Variants in SLIT2 observed in about 807,000 individuals in gnomAD.
The protein encoded by SLIT2 is slit guidance ligand 2.
A neutral mutation model predicts 185.7 loss-of-function variants in SLIT2; 41 were observed. That is an observed-to-expected ratio of 0.22 (90% CI 0.17 to 0.29). SLIT2 has a LOEUF of 0.29. SLIT2 is among the 10% of genes least tolerant of loss of function. The pLI is 1.00. For missense variants in SLIT2, 1,571 were observed against 1,909.0 expected, an observed-to-expected ratio of 0.82 and a Z score of 3.30; for synonymous variants, 693 against 680.2, an observed-to-expected ratio of 1.02 and a Z score of -0.29.
chr4:20,328,548 T>C (rs1273135740), intron 4 of SLIT2, among the ~76,000 whole-genome samples: 2 of 152,032 alleles, frequency 1.3e-5, no homozygotes, highest in East Asian at 3.9e-4. Context: ...TAATTGCCAG[T>C]TTTGCTGCAA....
intron 4 of SLIT2, among the ~76,000 whole-genome samples, chr4:20,400,438 CTA>C (rs1158348860): frequency 6.6e-6 from 1 of 151,716 alleles, no homozygotes; most frequent in Non-Finnish European, 1.5e-5. Flanking sequence ...GATGAGTATA[CTA>C]TGTTTTCAAG....
chr4:20,275,299 T>C (rs1353415874), intron 4 of SLIT2, among the ~76,000 whole-genome samples: 1 of 152,188 alleles, frequency 6.6e-6, no homozygotes, highest in East Asian at 1.9e-4. Flanking sequence ...TGCAGTTCTG[T>C]TAACTTTGGA....
Position 20,528,872 on chromosome 4 carries a change from CT to C in SLIT2, c.1463-71del. The C allele has an allele frequency of 8.2e-7, 1 of 1,220,508 alleles. No homozygotes were observed. The highest frequency in any genetic ancestry group is 1.5e-5 in the African/African-American group (1 of 66,686). 75.6% of individuals were successfully genotyped at this position (1,220,508 alleles called of 1,614,324 possible). A position where few individuals can be genotyped will look rare whatever the true frequency, so the allele number is the denominator to read the frequency against. On this transcript the variant is annotated intron_variant, in intron 15 of 36. Coordinates refer to ENST00000504154, the MANE Select transcript of SLIT2 (RefSeq NM_004787.4). This position sits in a 1 kb window ranked among gnomAD's most constrained non-coding sequence, Gnocchi z 4.2. ...TGCTACATAATCTATAGTTATCTTACTTTTTTCTTCCTACAAACTAATAAAT... is the reference window on the plus strand; with the variant it reads ...TGCTACATAATCTATAGTTATCTTACTTTTTCTTCCTACAAACTAATAAAT...
In SLIT2 at chr4:20,619,248, A is replaced by G; in HGVS notation, c.*239A>G. 2 of 382,320 alleles carry G rather than the reference A, an allele frequency of 5.2e-6. No individual in the cohort carries two copies. Among genetic ancestry groups the G allele is most frequent in the Non-Finnish European group, 9.4e-6 (2 of 212,750 alleles). 23.7% of individuals were successfully genotyped at this position (382,320 alleles called of 1,614,324 possible). A position where few individuals can be genotyped will look rare whatever the true frequency, so the allele number is the denominator to read the frequency against. On this transcript the variant is annotated 3_prime_UTR_variant, in exon 37 of 37. Coordinates refer to ENST00000504154, the MANE Select transcript of SLIT2 (RefSeq NM_004787.4). ...AGAAAGATATACCTGGAGACATTAGAACAGCGATGGGAACCATTGCAACTC... is the reference window on the plus strand; with the variant it reads ...AGAAAGATATACCTGGAGACATTAGGACAGCGATGGGAACCATTGCAACTC...
At chr4:20,469,578 A>AT (rs1468839678) in intron 5 of SLIT2, among the ~76,000 whole-genome samples, 1 of 151,870 alleles carries the variant, frequency 6.6e-6, no homozygotes, top group East Asian at 1.9e-4. Flanking sequence ...CACAGGCATA[A>AT]TTTTTTCTCA....
In SLIT2 at chr4:20,254,287, G is replaced by A. The variant is rs1454500826; in HGVS notation, c.179+293G>A. Among the ~76,000 whole-genome samples the A allele has an allele frequency of 6.6e-6, 1 of 152,170 alleles. No homozygotes were observed. Among genetic ancestry groups the A allele is most frequent in the Non-Finnish European group, 1.5e-5 (1 of 68,034 alleles). ...GGGGCTGGGGAGCGGGTAGATAGGG[G>A]ACAAGTACTGGAGGATGCCCGGGGC... On this transcript the variant is annotated intron_variant, in intron 1 of 36. Transcript: ENST00000504154. The surrounding 1 kb of genome is among the most constrained non-coding windows in gnomAD (Gnocchi z 5.1).
intron 29 of SLIT2, among the ~76,000 whole-genome samples, chr4:20,588,486 G>A (rs1260860144): frequency 6.6e-6 from 1 of 152,158 alleles, no homozygotes; most frequent in Non-Finnish European, 1.5e-5. Flanking sequence ...GACAGTTTTA[G>A]TAGTTTCCTG....
chr4:20,369,246 T>C (rs926688178), intron 4 of SLIT2, among the ~76,000 whole-genome samples: 14 of 152,084 alleles, frequency 9.2e-5, no homozygotes, highest in Non-Finnish European at 1.6e-4. Context: ...CTCTGGGATA[T>C]AGTTGCCTGG....
At chr4:20,472,391 T>TATCTATATATCTATATATATAGAG (rs1715357626) in intron 5 of SLIT2, among the ~76,000 whole-genome samples, 1 of 82,584 alleles carries the variant, frequency 1.2e-5, no homozygotes, top group Non-Finnish European at 2.2e-5. Context: ...TATATGTAGA[T>TATCTATATATCTATATATATAGAG]ATATAGATAT....
At chr4:20,454,060 G>C (rs2148718365) in intron 4 of SLIT2, among the ~76,000 whole-genome samples, 1 of 152,280 alleles carries the variant, frequency 6.6e-6, no homozygotes, top group Non-Finnish European at 1.5e-5. Flanking sequence ...CTTCATAACT[G>C]TGCTTCCCCT....
In SLIT2 at chr4:20,528,693, T is replaced by C. The variant is rs1721517935; in HGVS notation, c.1463-256T>C. ...TGAAGTAGGCTAGAATGACTCAGAA[T>C]TGGATCAGCAGAAAGTACAGCTGTG... On this transcript the variant is annotated intron_variant, in intron 15 of 36. Transcript: ENST00000504154. The surrounding 1 kb of genome is among the most constrained non-coding windows in gnomAD (Gnocchi z 4.2). Among the ~76,000 whole-genome samples, 1 of 152,168 alleles carries C rather than the reference T, an allele frequency of 6.6e-6. No individual in the cohort carries two copies.
intron 26 of SLIT2, among the ~76,000 whole-genome samples, chr4:20,556,867 T>C (rs569073152): frequency 8.5e-5 from 13 of 152,192 alleles, no homozygotes; most frequent in South Asian, 8.3e-4. Flanking sequence ...AAATTAAAAG[T>C]GTTATTCCAG....
Position 20,511,151 on chromosome 4 carries a change from G to GC in SLIT2, c.1058+14_1058+15insC. 1 of 1,540,788 alleles carries GC rather than the reference G, an allele frequency of 6.5e-7. No homozygotes were observed. The highest frequency in any genetic ancestry group is 1.1e-5 in the South Asian group (1 of 87,894). On this transcript the variant is annotated intron_variant, in intron 11 of 36. Coordinates refer to ENST00000504154, the MANE Select transcript of SLIT2 (RefSeq NM_004787.4). ...TCTGAATTCACTGTAAGTATTCACT[G>GC]TGTCACTGAAGGAAAAGAGAAGCCA... is the stretch of plus-strand genomic sequence containing the variant.
rs781732943 is a variant in SLIT2 at position 20,533,684 on chromosome 4, A to T, written c.1801A>T (p.Met601Leu). ...TCGTTTGGAAAATGTGCAGCATAAG[A>T]TGTTCAAGGGATTGGAAAGCCTCAA... is the stretch of plus-strand genomic sequence containing the variant. Reference protein sequence around the residue: ...SNRLENVQHKMFKGLESLKTL... With the variant: ...SNRLENVQHKLFKGLESLKTL... The change falls in exon 18 of 37, where the codon ATG becomes TTG. Residue 601 changes from methionine (M) to leucine (L), a missense_variant. By Grantham distance (15) the Met-to-Leu change is conservative (BLOSUM62 2). Transcript: ENST00000504154. The T allele has an allele frequency of 6.2e-7, 1 of 1,613,760 alleles. No individual in the cohort carries two copies. The highest frequency in any genetic ancestry group is 1.1e-5 in the South Asian group (1 of 90,940).
At position 20,253,970 on chromosome 4, in the gene SLIT2, A is replaced by G. The variant is rs748509938; in HGVS notation, c.155A>G (p.Asn52Ser). Residue 52 changes from asparagine (N) to serine (S), a missense_variant, in exon 1 of 37, where the codon AAT (asparagine) becomes AGT (serine). By Grantham distance (46) the Asn-to-Ser change is conservative. Transcript: ENST00000504154. The part of the protein sequence containing the change: ...HGLALRSVPR[N>S]IPRNTERLDL... ...CTGGCGCTGCGCAGCGTGCCCAGGA[A>G]TATCCCCCGCAACACCGAGAGACTG... The G allele has an allele frequency of 6.2e-7, 1 of 1,603,252 alleles. No homozygotes were observed. Among genetic ancestry groups the G allele is most frequent in the Non-Finnish European group, 8.5e-7 (1 of 1,179,746 alleles).
intron 15 of SLIT2, among the ~76,000 whole-genome samples, chr4:20,527,062 A>G (rs758080320): frequency 5.9e-5 from 9 of 152,202 alleles, no homozygotes; most frequent in Non-Finnish European, 1.3e-4. Flanking sequence ...CAAACTTCTT[A>G]TGAGATTCTG....
At chr4:20,472,382 A>ATC (rs1560453652) in intron 5 of SLIT2, among the ~76,000 whole-genome samples, 16 of 39,436 alleles carry the variant, frequency 4.1e-4, no homozygotes, top group African/African-American at 1.8e-3. Flanking sequence ...ATATCTATAT[A>ATC]TATGTAGATA....
intron 11 of SLIT2, among the ~76,000 whole-genome samples, chr4:20,515,353 A>G (rs146231219): frequency 1.3e-5 from 2 of 152,296 alleles, no homozygotes; most frequent in African/African-American, 2.4e-5. Context: ...CTTTATGCCA[A>G]AGGTCCTCAA....
chr4:20,312,305 A>G (rs1336376770), intron 4 of SLIT2, among the ~76,000 whole-genome samples: 4 of 152,214 alleles, frequency 2.6e-5, no homozygotes, highest in African/African-American at 9.6e-5. Flanking sequence ...ATTATAATCA[A>G]AAACTACCAT....
Sources: allele counts gnomAD v4.1 joint callset (sites outside exome capture counted in the v4.1 genomes callset), GRCh38; gene constraint gnomAD v4.1.1; non-coding constraint Gnocchi (gnomAD v3.1); transcripts MANE v1.5; gene names NCBI Gene and HGNC (gene_info 2026-07-23, HGNC 2026-07-21).